The following ATM variants were observed in gnomAD, a reference collection of about 807,000 sequenced individuals.
ATM encodes the protein serine-protein kinase ATM.
A neutral mutation model predicts 387.0 loss-of-function variants in ATM; 308 were observed. The ratio of observed to expected loss-of-function variants is 0.80; its 90% CI spans 0.73 to 0.87. ATM has a LOEUF of 0.87. Among genes scored for constraint, ATM ranks in the 40% least tolerant of loss-of-function variants. The probability of loss-of-function intolerance (pLI) is 0.00; values close to 1 mark genes in which losing one functional copy is unlikely to be tolerated. For synonymous variants in ATM, 1,156 were observed against 1,187.3 expected, an observed-to-expected ratio of 0.97 and a Z score of 0.54; for missense variants, 3,312 against 3,560.9, an observed-to-expected ratio of 0.93 and a Z score of 1.78.
chr11:108,342,433 A>G (rs922904359), intron 56 of ATM, among the ~76,000 whole-genome samples: 9 of 152,152 alleles, frequency 5.9e-5, no homozygotes, highest in Non-Finnish European at 1.2e-4. Context: ...TAGTATCCTA[A>G]TTTTTTTACT....
At position 108,227,613 on chromosome 11, in the gene ATM, A is replaced by G. The variant is rs1299284773; in HGVS notation, c.-12A>G. The G allele has an allele frequency of 6.2e-7, 1 of 1,612,812 alleles. No individual in the cohort carries two copies. The highest frequency in any genetic ancestry group is 8.5e-7 in the Non-Finnish European group (1 of 1,179,196). ...TTTACAGACAGTGATGTGTGTTCTGAAATTGTGAACCATGAGTCTAGTACT... is the reference window on the plus strand; with the variant it reads ...TTTACAGACAGTGATGTGTGTTCTGGAATTGTGAACCATGAGTCTAGTACT... On this transcript the variant is annotated 5_prime_UTR_variant, in exon 2 of 63. Transcript: ENST00000675843.
At chr11:108,302,053 T>G (rs989676076) in intron 35 of ATM, among the ~76,000 whole-genome samples, 19 of 152,138 alleles carry the variant, frequency 1.2e-4, no homozygotes, top group Non-Finnish European at 2.8e-4. Flanking sequence ...CAGACCTTGT[T>G]TTTTTAGAAA....
At position 108,351,462 on chromosome 11, in the gene ATM, C is replaced by T. The variant is rs573465265; in HGVS notation, c.8672-2304C>T. Among the ~76,000 whole-genome samples the T allele has an allele frequency of 5.9e-5, 9 of 152,342 alleles. No individual in the cohort carries two copies. In the South Asian group the frequency reaches 1.7e-3, roughly 28 times the overall value. ...AAAATCACAATTTATTTATTATTATCTCTCATAGTCTGTTGACTGGGCTCA... is the reference window on the plus strand; with the variant it reads ...AAAATCACAATTTATTTATTATTATTTCTCATAGTCTGTTGACTGGGCTCA... On this transcript the variant is annotated intron_variant, in intron 59 of 62. Transcript: ENST00000675843.
rs932320717 is a variant in ATM at position 108,223,118 on chromosome 11, G to T, written c.-99G>T. On this transcript the variant is annotated 5_prime_UTR_variant, in exon 1 of 63. Transcript: ENST00000675843. ...AGAAGCCGTGGCCGCGGGAGGAGGC[G>T]AGAGGAGTCGGGATCTGCGCTGCAG... The T allele has an allele frequency of 5.3e-6, 1 of 187,116 alleles. No homozygotes were observed. The highest frequency in any genetic ancestry group is 2.4e-5 in the African/African-American group (1 of 42,056). The allele number at this position is 187,116 out of a possible 1,614,324, so 11.6% of individuals were successfully genotyped here.
At position 108,268,392 on chromosome 11, in the gene ATM, A is replaced by G. The variant is rs1555083057; in HGVS notation, c.2639-18A>G. On this transcript the variant is annotated intron_variant, in intron 17 of 62. Transcript: ENST00000675843. The stretch of plus-strand genomic sequence containing the variant: ...TTGTGCCCTTCTCTTAGTGTTAATG[A>G]GTGCTTTTTATTTTTAGGTGCCATT... 1 of 1,610,368 alleles carries G rather than the reference A, an allele frequency of 6.2e-7. No homozygotes were observed.
At position 108,367,869 on chromosome 11, in the gene ATM, G is replaced by C; in HGVS notation, c.*2361G>C. 1 of 205,216 alleles carries C rather than the reference G, an allele frequency of 4.9e-6. No individual in the cohort carries two copies. Among genetic ancestry groups the C allele is most frequent in the Non-Finnish European group, 1.0e-5 (1 of 100,208 alleles). The allele number at this position is 205,216 out of a possible 1,614,324, so 12.7% of individuals were successfully genotyped here. On this transcript the variant is annotated 3_prime_UTR_variant, in exon 63 of 63. Transcript: ENST00000675843. ...TACAAGCTGCCTAAATGAATATTTG[G>C]TATATATTGGTAGTTTTATTACTAT...
rs768216554 is a variant in ATM at position 108,365,640 on chromosome 11, G to GTT, written c.*135_*136dup. 1.8e-6 allele frequency: 2 copies of GTT among 1,113,804 alleles called. No homozygotes were observed. Among genetic ancestry groups the GTT allele is most frequent in the Non-Finnish European group, 2.5e-6 (2 of 785,950 alleles). 69.0% of individuals were successfully genotyped at this position (1,113,804 alleles called of 1,614,324 possible). ...CTATTGTGGGTTTTTTTGAATGTTG[G>GTT]TTTTAATACTTGATTTAATCACCAC... is the stretch of plus-strand genomic sequence containing the variant. On this transcript the variant is annotated 3_prime_UTR_variant, in exon 63 of 63. Transcript: ENST00000675843.
intron 18 of ATM, among the ~76,000 whole-genome samples, 154 bp downstream of exon 18, chr11:108,268,763 T>C (rs2081409086): frequency 6.6e-6 from 1 of 152,230 alleles, no homozygotes; most frequent in African/African-American, 2.4e-5. Flanking sequence ...ATAACACTTT[T>C]AACGTGCTGT....
At chr11:108,361,712 TAATA>T (rs1000986851) in intron 61 of ATM, among the ~76,000 whole-genome samples, 1 of 151,594 alleles carries the variant, frequency 6.6e-6, no homozygotes, top group African/African-American at 2.4e-5. Flanking sequence ...ATTCCCTATT[TAATA>T]AATGGTGCTG....
chr11:108,357,137 C>G (rs977917464), intron 61 of ATM, among the ~76,000 whole-genome samples: 4 of 152,210 alleles, frequency 2.6e-5, no homozygotes, highest in African/African-American at 9.7e-5. Flanking sequence ...ACTTGGGAAG[C>G]GCAAGGGTCA....
Position 108,295,013 on chromosome 11 carries a change from G to A in ATM, c.4863G>A (p.Leu1621=). The A allele has an allele frequency of 6.2e-7, 1 of 1,613,962 alleles. No homozygotes were observed. Residue 1621 remains leucine (L), a synonymous_variant, in exon 32 of 63, where the codon CTG becomes CTA. Coordinates refer to ENST00000675843, the MANE Select transcript of ATM (RefSeq NM_000051.4). ...LEGLKDLRRQ[L]ELHKDQMVDI... ...GACTAAAGGATCTTCGAAGACAACT[G>A]GAACTACATAAAGATCAGATGGTGG...
chr11:108,297,141 A>G lies in ATM; in HGVS notation c.4910-146A>G, dbSNP rs1454854877. The stretch of plus-strand genomic sequence containing the variant: ...TTAAGGAAGTTCAGATTCATTCCCT[A>G]CATATTTTTTGAGCTACTCATGACT... On this transcript the variant is annotated intron_variant, in intron 32 of 62. Transcript: ENST00000675843. 92 of 632,672 alleles carry G rather than the reference A, an allele frequency of 1.5e-4. 1 individual carries two copies. In the East Asian group the frequency reaches 2.5e-3, roughly 17 times the overall value. 39.2% of individuals were successfully genotyped at this position (632,672 alleles called of 1,614,324 possible).
intron 7 of ATM, among the ~76,000 whole-genome samples, chr11:108,245,411 C>T (rs562846847): frequency 5.9e-5 from 9 of 152,012 alleles, no homozygotes; most frequent in South Asian, 2.1e-4. Context: ...AGATAAAATA[C>T]GTAAATTGGA....
chr11:108,267,341 A>G lies in ATM; in HGVS notation c.2637A>G (p.Ile879Met), dbSNP rs1449494151. ...AACCTGGAGAGAGCCAAAGTACCAT[A>G]GGTAAATACATATTTACTACTTGGG... ...ANEPGESQST[I>M]GAINPLAEEY... Residue 879 changes from isoleucine to methionine, a missense_variant and splice_region_variant, in exon 17 of 63, where the codon ATA (isoleucine) becomes ATG (methionine). Physicochemically the swap from Ile to Met is conservative, Grantham distance 10 (BLOSUM62 1). This residue lies in a region of ATM where 1,791 missense variants were observed against 1,804.5 expected (regional missense o/e 0.99). Coordinates refer to ENST00000675843, the MANE Select transcript of ATM (RefSeq NM_000051.4). 1.9e-6 allele frequency: 3 copies of G among 1,613,622 alleles called. No individual in the cohort carries two copies. The highest frequency in any genetic ancestry group is 1.7e-5 in the Admixed American group (1 of 60,010).
Position 108,299,846 on chromosome 11 carries a change from T to C in ATM, c.5138T>C (p.Ile1713Thr), listed in dbSNP as rs1199544303. The change falls in exon 34 of 63, where the codon ATA becomes ACA. Residue 1713 changes from isoleucine (I) to threonine (T), a missense_variant. Physicochemically the swap from Ile to Thr is moderately conservative, Grantham distance 89. Transcript: ENST00000675843. ...FEDKELQWTFIMLTYLNNTLV... is the reference protein window; with the variant it reads ...FEDKELQWTFTMLTYLNNTLV... ...GATAAAGAACTTCAGTGGACCTTCA[T>C]AATGCTGACCTACCTGAATAACACA... 1 of 1,613,854 alleles carries C rather than the reference T, an allele frequency of 6.2e-7. No homozygotes were observed. The highest frequency in any genetic ancestry group is 2.2e-5 in the East Asian group (1 of 44,860).
At chr11:108,326,992 A>AT (rs1266018310) in intron 47 of ATM, among the ~76,000 whole-genome samples, 1 of 151,716 alleles carries the variant, frequency 6.6e-6, no homozygotes, top group Non-Finnish European at 1.5e-5. Context: ...TGCCCAGCTA[A>AT]TTTTTTTGTA....
chr11:108,342,831 G>A (rs539048814), intron 56 of ATM, among the ~76,000 whole-genome samples: 1 of 152,248 alleles, frequency 6.6e-6, no homozygotes, highest in Admixed American at 6.5e-5. Context: ...CCACATTCAT[G>A]GGTAATAATT....
In ATM at chr11:108,321,314, G is replaced by T. The variant is rs1328099740; in HGVS notation, c.6466G>T (p.Glu2156Ter). ...SLKYARVKEV[E>*]EMCKRSLESV... The stretch of plus-strand genomic sequence containing the variant: ...TTTTGCTACTAGAGTAAAAGAAGTG[G>T]AAGAGATGTGTAAGCGCAGCCTTGA... Residue 2156 changes from glutamate to a stop codon, truncating the protein, a stop_gained, in exon 45 of 63, where the codon GAA becomes TAA. Coordinates refer to ENST00000675843, the MANE Select transcript of ATM (RefSeq NM_000051.4). LOFTEE classifies it high-confidence loss of function. The T allele has an allele frequency of 6.2e-7, 1 of 1,614,098 alleles. No homozygotes were observed. The highest frequency in any genetic ancestry group is 8.5e-7 in the Non-Finnish European group (1 of 1,179,988).
At chr11:108,352,974 G>T (rs989501304) in intron 59 of ATM, among the ~76,000 whole-genome samples, 7 of 152,098 alleles carry the variant, frequency 4.6e-5, no homozygotes, top group Admixed American at 2.6e-4. Context: ...GTAAAGGGCA[G>T]TATGAAGGAT....
Sources: gnomAD v4.1 joint callset for allele counts (sites outside exome capture counted in the v4.1 genomes callset) on GRCh38, gnomAD v4.1.1 for gene constraint, gnomAD v4.1.1 regional missense constraint, MANE v1.5 for transcripts, NCBI Gene and HGNC (gene_info 2026-07-23, HGNC 2026-07-21) for gene names.